Variants in RALGAPB observed in about 807,000 individuals in gnomAD.
RALGAPB encodes the protein Ral GTPase activating protein non-catalytic subunit beta, also known as ral GTPase-activating protein subunit beta.
Under a neutral mutation model 161.1 loss-of-function variants are expected in RALGAPB, and 25 were observed. The ratio of observed to expected loss-of-function variants is 0.16; its 90% CI spans 0.11 to 0.22. The LOEUF (loss-of-function observed/expected upper bound fraction) is 0.22, where lower values mean the gene tolerates loss of function less well. Among genes scored for constraint, RALGAPB ranks in the 10% least tolerant of loss-of-function variants. RALGAPB has a pLI of 1.00. For missense variants in RALGAPB, 1,391 were observed against 1,815.2 expected (o/e 0.77, Z 4.25); for synonymous variants, 629 against 626.1 (o/e 1.00, Z -0.07).
At chr20:38,569,184 A>C (rs892148392) in intron 26 of RALGAPB, 28 of 152,204 alleles carry the variant, frequency 1.8e-4, no homozygotes, top group African/African-American at 6.3e-4. Flanking sequence ...ATTCACCTCA[A>C]GTATGAGATT....
At chr20:38,573,523 G>C (rs1025549010) in intron 28 of RALGAPB, 1 of 152,176 alleles carries the variant, frequency 6.6e-6, no homozygotes. Flanking sequence ...TTTAGCATCT[G>C]CTGCCTTGCC....
At position 38,553,683 on chromosome 20, in the gene RALGAPB, A is replaced by G. The variant is rs1407258029; in HGVS notation, c.3163-184A>G. Among the ~76,000 whole-genome samples, 3 of 146,276 alleles carry G rather than the reference A, an allele frequency of 2.1e-5. No homozygotes were observed. The Admixed American group carries it at 2.2e-4, about 10-fold the overall frequency. ...GACTTAGCTAGGTGCAGTGGGGCTCATGCCTGTAATCCCAGCACTTTGGGA... is the reference window on the plus strand; with the variant it reads ...GACTTAGCTAGGTGCAGTGGGGCTCGTGCCTGTAATCCCAGCACTTTGGGA... On this transcript the variant is annotated intron_variant, in intron 21 of 29. Coordinates refer to ENST00000262879, the MANE Select transcript of RALGAPB (RefSeq NM_020336.4).
Position 38,576,166 on chromosome 20 carries a change from G to C in RALGAPB, c.*1199G>C, listed in dbSNP as rs1341592719. ...GGTGGCCAGACCCAGAACATCCAAG[G>C]ATTCCTGTTACAGTGCTACAGTATA... On this transcript the variant is annotated 3_prime_UTR_variant, in exon 30 of 30. Transcript: ENST00000262879. 6.6e-6 allele frequency: 1 copy of C among 152,640 alleles called. No homozygotes were observed. The highest frequency in any genetic ancestry group is 1.5e-5 in the Non-Finnish European group (1 of 68,038). 9.5% of individuals were successfully genotyped at this position (152,640 alleles called of 1,614,324 possible).
chr20:38,499,403 T>C, intron 4 of RALGAPB, 44 bp from the exon 5 acceptor site: 1 of 1,519,592 alleles, frequency 6.6e-7, no homozygotes, highest in Non-Finnish European at 8.9e-7. Flanking sequence ...GATTCTGCTT[T>C]AAAAATAAGT....
chr20:38,513,454 G>A (rs761723709), intron 6 of RALGAPB, among the ~76,000 whole-genome samples: 130 of 149,982 alleles, frequency 8.7e-4, no homozygotes, highest in Non-Finnish European at 1.7e-3. Context: ...ACTCCAGCCC[G>A]GGCGACAGAG....
rs564146035 is a variant in RALGAPB, at chr20:38,494,847, C to T, written c.389+1715C>T. Among the ~76,000 whole-genome samples, 12 of 152,226 alleles carry T rather than the reference C, an allele frequency of 7.9e-5. No homozygotes were observed. In the South Asian group the frequency reaches 1.0e-3, roughly 13 times the overall value. On this transcript the variant is annotated intron_variant, in intron 3 of 29. Transcript: ENST00000262879. ...TTTGTAAGCCTACTACCTTTCAGTGCTCAGTTAATTTGTATTGATGAAAAA... is the reference window on the plus strand; with the variant it reads ...TTTGTAAGCCTACTACCTTTCAGTGTTCAGTTAATTTGTATTGATGAAAAA...
At chr20:38,547,170 C>G (rs1012319179) in intron 19 of RALGAPB, 1 of 152,198 alleles carries the variant, frequency 6.6e-6, no homozygotes, top group Admixed American at 6.5e-5. Flanking sequence ...CCTTTCCCTC[C>G]CCCTCAGTTA....
At chr20:38,563,283 T>C (rs896714129) in intron 24 of RALGAPB, among the ~76,000 whole-genome samples, 2 of 152,202 alleles carry the variant, frequency 1.3e-5, no homozygotes, top group African/African-American at 4.8e-5. Context: ...TCTATACAAA[T>C]GGTGTAATAT....
chr20:38,567,859 A>C (rs2088066512), intron 26 of RALGAPB, among the ~76,000 whole-genome samples: 1 of 152,216 alleles, frequency 6.6e-6, no homozygotes, highest in Non-Finnish European at 1.5e-5. Flanking sequence ...TTCCACAGTG[A>C]AAGTTATTTT....
chr20:38,551,053 T>C lies in RALGAPB; in HGVS notation c.3010-18T>C. On this transcript the variant is annotated intron_variant, in intron 20 of 29. Transcript: ENST00000262879. The stretch of plus-strand genomic sequence containing the variant: ...ATTGGACCCTGTGTAATAAACATAA[T>C]GTTACTTGTTTTAACAGCTTTTTGT... The C allele has an allele frequency of 1.2e-6, 2 of 1,612,526 alleles. No homozygotes were observed. The highest frequency in any genetic ancestry group is 1.1e-5 in the South Asian group (1 of 91,022).
chr20:38,559,066 G>A (rs1001066250), intron 23 of RALGAPB, among the ~76,000 whole-genome samples: 4 of 152,192 alleles, frequency 2.6e-5, no homozygotes, highest in Admixed American at 6.5e-5. Flanking sequence ...GATGCTTAGA[G>A]TCCTGAGTCT....
Position 38,517,774 on chromosome 20 carries a change from C to T in RALGAPB, c.1201-10C>T, listed in dbSNP as rs377489589. ...ATTGGTATGGGTGTATTCTTGTGTT[C>T]GTCTAATAGGTTAGTACTGCTCATG... On this transcript the variant is annotated splice_polypyrimidine_tract_variant and intron_variant, in intron 8 of 29. Transcript: ENST00000262879. 7.5e-6 allele frequency: 12 copies of T among 1,608,040 alleles called. No individual in the cohort carries two copies. In the African/African-American group the frequency reaches 1.1e-4, roughly 14 times the overall value.
chr20:38,490,811 A>AT (rs1373755910), intron 2 of RALGAPB, among the ~76,000 whole-genome samples: 1 of 151,022 alleles, frequency 6.6e-6, no homozygotes, highest in Admixed American at 6.6e-5. Flanking sequence ...CACCCGGCCA[A>AT]TTTTTGTATT....
At chr20:38,516,127 T>A in intron 6 of RALGAPB, 65 bp from the exon 7 acceptor site, 1 of 1,243,268 alleles carries the variant, frequency 8.0e-7, no homozygotes, top group East Asian at 2.4e-5. Flanking sequence ...TAAATTAGAT[T>A]ACGTGTATTT....
Position 38,546,277 on chromosome 20 carries a change from A to G in RALGAPB, c.2749A>G (p.Ser917Gly), listed in dbSNP as rs1568962401. Residue 917 changes from serine (S) to glycine (G), a missense_variant, in exon 19 of 30, where the codon AGT (serine) becomes GGT (glycine). Ser to Gly is a moderately conservative substitution (Grantham distance 56, BLOSUM62 0). Transcript: ENST00000262879. ...MQLLGAFPSP[S>G]GPASPCSLVN... ...GTTGCTCGGCGCATTTCCTTCACCT[A>G]GTGGTCCTGCCTCTCCTTGTAGTCT... 3 of 1,614,070 alleles carry G rather than the reference A, an allele frequency of 1.9e-6. 1 individual carries two copies. In the Middle Eastern group the frequency reaches 4.9e-4, roughly 266 times the overall value.
At position 38,577,086 on chromosome 20, in the gene RALGAPB, A is replaced by C. The variant is rs1016019748; in HGVS notation, c.*2119A>C. 6.6e-6 allele frequency: 1 copy of C among 152,216 alleles called. No individual in the cohort carries two copies. The highest frequency in any genetic ancestry group is 1.5e-5 in the Non-Finnish European group (1 of 68,046). The allele number at this position is 152,216 out of a possible 1,614,324, so 9.4% of individuals were successfully genotyped here. A position where few individuals can be genotyped will look rare whatever the true frequency, so the allele number is the denominator to read the frequency against. On this transcript the variant is annotated 3_prime_UTR_variant, in exon 30 of 30. Transcript: ENST00000262879. ...GGGAGACTTCCTCGTCTTCCAGGGA[A>C]GGAAGGATGTGCAGCCCCTGAAGGC...
At chr20:38,530,215 C>T (rs2086612690) in intron 13 of RALGAPB, among the ~76,000 whole-genome samples, 1 of 152,184 alleles carries the variant, frequency 6.6e-6, no homozygotes, top group African/African-American at 2.4e-5. Context: ...GTATTTTAAG[C>T]AGCATACTCA....
Position 38,532,838 on chromosome 20 carries a change from C to G in RALGAPB, c.2224C>G (p.Gln742Glu). 6.2e-7 allele frequency: 1 copy of G among 1,614,126 alleles called. No individual in the cohort carries two copies. The change falls in exon 15 of 30, where the codon CAA becomes GAA. Residue 742 changes from glutamine (Q) to glutamate (E), a missense_variant. Coordinates refer to ENST00000262879, the MANE Select transcript of RALGAPB (RefSeq NM_020336.4). Reference protein sequence around the residue: ...PTTPDSERPAQALLRDYALNT... With the variant: ...PTTPDSERPAEALLRDYALNT... ...GACTCCCGATAGTGAGAGACCTGCT[C>G]AAGCTCTCTTAAGAGATTATGGTTA...
Position 38,553,892 on chromosome 20 carries a change from G to A in RALGAPB, c.3188G>A (p.Arg1063Lys). 1 of 1,610,792 alleles carries A rather than the reference G, an allele frequency of 6.2e-7. No homozygotes were observed. Among genetic ancestry groups the A allele is most frequent in the Non-Finnish European group, 8.5e-7 (1 of 1,178,198 alleles). The change falls in exon 22 of 30, where the codon AGG becomes AAG. Residue 1063 changes from arginine to lysine, a missense_variant. By Grantham distance (26) the Arg-to-Lys change is conservative. Transcript: ENST00000262879. ...EELEERHEKLRSGMAQQIAYE... is the reference protein window; with the variant it reads ...EELEERHEKLKSGMAQQIAYE... ...TTAGAAGAGAGACACGAAAAATTAAGGAGTGGCATGGCCCAGCAGATTGCT... is the reference window on the plus strand; with the variant it reads ...TTAGAAGAGAGACACGAAAAATTAAAGAGTGGCATGGCCCAGCAGATTGCT...
Sources: allele counts gnomAD v4.1 joint callset (sites outside exome capture counted in the v4.1 genomes callset), GRCh38; gene constraint gnomAD v4.1.1; transcripts MANE v1.5; gene names NCBI Gene and HGNC (gene_info 2026-07-23, HGNC 2026-07-21).